Variants in IGDCC4 observed in about 807,000 individuals in gnomAD.
IGDCC4 encodes immunoglobulin superfamily DCC subclass member 4.
A neutral mutation model predicts 116.6 loss-of-function variants in IGDCC4; 72 were observed. That is an observed-to-expected ratio of 0.62 (90% CI 0.51 to 0.75). The LOEUF (loss-of-function observed/expected upper bound fraction) is 0.75. Among genes scored for constraint, IGDCC4 ranks in the 30% least tolerant of loss-of-function variants. The pLI is 0.00. For synonymous variants in IGDCC4, 709 were observed against 719.9 expected (o/e 0.98, Z 0.24); for missense variants, 1,501 against 1,662.4 (o/e 0.90, Z 1.69).
chr15:65,418,261 C>T (rs1426140719), intron 1 of IGDCC4, among the ~76,000 whole-genome samples: 36 of 152,188 alleles, frequency 2.4e-4, no homozygotes. Context: ...GAAAGAAACC[C>T]TGTACTTAAA....
Position 65,384,571 on chromosome 15 carries a change from A to C in IGDCC4, c.3343-152T>G. ...GGATACACAGGAACTGTTCGAACCT[A>C]TACAAAGGCAGGGAATGATGGAATA... On this transcript the variant is annotated intron_variant, in intron 19 of 19. Coordinates refer to ENST00000352385, the MANE Select transcript of IGDCC4 (RefSeq NM_020962.3). The surrounding 1 kb of genome is among the most constrained non-coding windows in gnomAD (Gnocchi z 4.9). 1.3e-6 allele frequency: 1 copy of C among 771,024 alleles called. No individual in the cohort carries two copies. Among genetic ancestry groups the C allele is most frequent in the Non-Finnish European group, 2.0e-6 (1 of 505,354 alleles). 47.8% of individuals were successfully genotyped at this position (771,024 alleles called of 1,614,324 possible).
Position 65,383,662 on chromosome 15 carries a change from C to T in IGDCC4, c.*347G>A. Reference sequence around the variant, plus strand: ...GGGGCCCACAGGGCTGGGGACTGACCACTGTGGGGCACCGTTCTGACCTGG... The same window carrying T: ...GGGGCCCACAGGGCTGGGGACTGACTACTGTGGGGCACCGTTCTGACCTGG... On this transcript the variant is annotated 3_prime_UTR_variant, in exon 20 of 20. Transcript: ENST00000352385. 4.8e-6 allele frequency: 1 copy of T among 208,770 alleles called. No homozygotes were observed. The highest frequency in any genetic ancestry group is 5.8e-5 in the Admixed American group (1 of 17,308). 12.9% of individuals were successfully genotyped at this position (208,770 alleles called of 1,614,324 possible). A position where few individuals can be genotyped will look rare whatever the true frequency, so the allele number is the denominator to read the frequency against.
At position 65,384,138 on chromosome 15, in the gene IGDCC4, G is replaced by A. The variant is rs762034302; in HGVS notation, c.3624C>T (p.Cys1208=). The change falls in exon 20 of 20, where the codon TGC becomes TGT. Residue 1208 remains cysteine, a synonymous_variant. Coordinates refer to ENST00000352385, the MANE Select transcript of IGDCC4 (RefSeq NM_020962.3). This position sits in a 1 kb window ranked among gnomAD's most constrained non-coding sequence, Gnocchi z 4.9. ...CGCCTGGCTGGAGGTCCGGGTAGGAGCAGGAAGCACTGGCTGCCTCTGGCA... is the reference window on the plus strand; with the variant it reads ...CGCCTGGCTGGAGGTCCGGGTAGGAACAGGAAGCACTGGCTGCCTCTGGCA... ...TCLPEAASAS[C]SYPDLQPGEV... The A allele has an allele frequency of 3.1e-6, 5 of 1,613,620 alleles. No homozygotes were observed. Among genetic ancestry groups the A allele is most frequent in the Non-Finnish European group, 4.2e-6 (5 of 1,179,818 alleles).
chr15:65,387,380 G>A (rs907334294), intron 16 of IGDCC4, among the ~76,000 whole-genome samples: 1 of 151,484 alleles, frequency 6.6e-6, no homozygotes, highest in Non-Finnish European at 1.5e-5. Flanking sequence ...ACGGAGTCTC[G>A]CTCTGTTGCC....
At chr15:65,399,447 CAAAAAAAAAAA>C (rs112040935) in intron 5 of IGDCC4, among the ~76,000 whole-genome samples, 30 of 71,180 alleles carry the variant, frequency 4.2e-4, no homozygotes, top group African/African-American at 9.3e-4. Context: ...GGGTGACAGG[CAAAAAAAAAAA>C]AAAAAAAAAA....
intron 4 of IGDCC4, among the ~76,000 whole-genome samples, chr15:65,401,859 C>G (rs2062989763): frequency 6.6e-6 from 1 of 152,192 alleles, no homozygotes; most frequent in Non-Finnish European, 1.5e-5. Flanking sequence ...TAATCCATCA[C>G]ACTGGGGCAA....
rs749551662 is a variant in IGDCC4 at position 65,411,102 on chromosome 15, C to T, written c.339G>A (p.Gly113=). 1.7e-5 allele frequency: 28 copies of T among 1,614,220 alleles called. No homozygotes were observed. The South Asian group carries it at 2.6e-4, about 15-fold the overall frequency. The change falls in exon 2 of 20, where the codon GGG becomes GGA. Residue 113 remains glycine, a synonymous_variant. Coordinates refer to ENST00000352385, the MANE Select transcript of IGDCC4 (RefSeq NM_020962.3). ...GGCACGAATAGTTGCCTTCAATGAC[C>T]CCCACAGCCTCAGGGACTGACTCGT... ...GSDESVPEAV[G]VIEGNYSCLA... is the part of the protein sequence containing the mutation.
rs2091443642 is a variant in IGDCC4, at chr15:65,385,230, C to A, written c.3181-115G>T. ...GGGGGAGCAGGGTCCAGACTGTCAC[C>A]CGCTGCTCTCTCCCTCTCCAAGGCT... On this transcript the variant is annotated intron_variant, in intron 18 of 19. Transcript: ENST00000352385. 5.5e-6 allele frequency: 6 copies of A among 1,081,866 alleles called. No individual in the cohort carries two copies. The Admixed American group carries it at 8.9e-5, about 16-fold the overall frequency. The allele number at this position is 1,081,866 out of a possible 1,614,324, so 67.0% of individuals were successfully genotyped here.
In IGDCC4 at chr15:65,396,088, GC is replaced by G; in HGVS notation, c.1072del (p.Ala358ArgfsTer83). The stretch of plus-strand genomic sequence containing the variant: ...CAGCGCTGGCCGCGGCTCCCCCGAC[GC>G]GCGGCACACGAAGCGCGCTGTGCTC... ...RASTARFVCR[A>X]SGEPRPALRW... is the part of the protein sequence containing the mutation. On this transcript the variant is annotated frameshift_variant, in exon 7 of 20. Coordinates refer to ENST00000352385, the MANE Select transcript of IGDCC4 (RefSeq NM_020962.3). LOFTEE classifies it high-confidence loss of function. 7.2e-7 allele frequency: 1 copy of G among 1,384,824 alleles called. No individual in the cohort carries two copies. Among genetic ancestry groups the G allele is most frequent in the South Asian group, 1.6e-5 (1 of 61,648 alleles). The allele number at this position is 1,384,824 out of a possible 1,614,324, so 85.8% of individuals were successfully genotyped here.
chr15:65,402,375 C>T lies in IGDCC4; in HGVS notation c.676G>A (p.Ala226Thr), dbSNP rs1398634108. ...CCTCTGTGGGCCACACTGAGTAGGGCCTCCTGGCTGAAGTGCTGGCGAGCT... is the reference window on the plus strand; with the variant it reads ...CCTCTGTGGGCCACACTGAGTAGGGTCTCCTGGCTGAAGTGCTGGCGAGCT... Reference protein sequence around the residue: ...NSARQHFSQEALLSVAHRGSL... With the variant: ...NSARQHFSQETLLSVAHRGSL... The change falls in exon 4 of 20, where the codon GCC becomes ACC. Residue 226 changes from alanine to threonine, a missense_variant. Transcript: ENST00000352385. 2 of 1,570,780 alleles carry T rather than the reference C, an allele frequency of 1.3e-6. No individual in the cohort carries two copies. The highest frequency in any genetic ancestry group is 3.7e-5 in the Admixed American group (2 of 53,974).
chr15:65,385,121 C>CG lies in IGDCC4; in HGVS notation c.3181-7dup, dbSNP rs778232694. ...CTTGGTTGAGCCCAGGAGATCTGCACGGGGGAAAGAAGGGGACAGTAAGGG... is the reference window on the plus strand; with the variant it reads ...CTTGGTTGAGCCCAGGAGATCTGCACGGGGGGAAAGAAGGGGACAGTAAGGG... On this transcript the variant is annotated splice_region_variant and splice_polypyrimidine_tract_variant and intron_variant, in intron 18 of 19. Coordinates refer to ENST00000352385, the MANE Select transcript of IGDCC4 (RefSeq NM_020962.3). The CG allele has an allele frequency of 6.3e-7, 1 of 1,580,414 alleles. No homozygotes were observed. Among genetic ancestry groups the CG allele is most frequent in the Non-Finnish European group, 8.5e-7 (1 of 1,171,066 alleles).
chr15:65,394,971 C>G, intron 8 of IGDCC4, 123 bp downstream of exon 8: 1 of 1,085,806 alleles, frequency 9.2e-7, no homozygotes, highest in East Asian at 2.6e-5. Context: ...CACTCTCTTA[C>G]GGGGCACAAA....
At chr15:65,418,061 A>G (rs1298405435) in intron 1 of IGDCC4, among the ~76,000 whole-genome samples, 1 of 152,222 alleles carries the variant, frequency 6.6e-6, no homozygotes, top group Admixed American at 6.5e-5. Flanking sequence ...GACATCCTCA[A>G]AAAGATAAGG....
At chr15:65,405,361 A>T (rs191601794) in intron 3 of IGDCC4, among the ~76,000 whole-genome samples, 40 of 149,068 alleles carry the variant, frequency 2.7e-4, no homozygotes, top group African/African-American at 1.0e-3. Flanking sequence ...AAAAATTTTT[A>T]AATGTAAATT....
At position 65,384,491 on chromosome 15, in the gene IGDCC4, TG is replaced by T; in HGVS notation, c.3343-73del. The T allele has an allele frequency of 1.4e-6, 2 of 1,418,972 alleles. No individual in the cohort carries two copies. Among genetic ancestry groups the T allele is most frequent in the Non-Finnish European group, 1.9e-6 (2 of 1,071,918 alleles). 87.9% of individuals were successfully genotyped at this position (1,418,972 alleles called of 1,614,324 possible). On this transcript the variant is annotated intron_variant, in intron 19 of 19. Transcript: ENST00000352385. This position sits in a 1 kb window ranked among gnomAD's most constrained non-coding sequence, Gnocchi z 4.9. ...TAATCATCAGAATGACCAGCGTACG[TG>T]GGGCAGAAAGTCTGACCCTCCATCA...
chr15:65,387,319 A>G (rs781720830), intron 16 of IGDCC4, among the ~76,000 whole-genome samples: 2 of 151,514 alleles, frequency 1.3e-5, no homozygotes, highest in Non-Finnish European at 1.5e-5. Context: ...TACAAGCACA[A>G]GCCACCATGC....
In IGDCC4 at chr15:65,391,861, C is replaced by G. The variant is rs746796615; in HGVS notation, c.2224+19G>C. 3.7e-6 allele frequency: 6 copies of G among 1,609,600 alleles called. No homozygotes were observed. The South Asian group carries it at 6.6e-5, about 18-fold the overall frequency. ...CCCTCACCTGAGCCCTCCCCGCCTT[C>G]TTCCCCCACCGCCCTCACCTGGTGC... is the stretch of plus-strand genomic sequence containing the variant. On this transcript the variant is annotated intron_variant, in intron 12 of 19. Coordinates refer to ENST00000352385, the MANE Select transcript of IGDCC4 (RefSeq NM_020962.3).
At chr15:65,421,727 T>C (rs1595799187) in intron 1 of IGDCC4, among the ~76,000 whole-genome samples, 4 of 80,026 alleles carry the variant, frequency 5.0e-5, no homozygotes, top group Admixed American at 1.4e-4. Flanking sequence ...CATCCTCAGC[T>C]CCCCCCTCCG....
intron 13 of IGDCC4, 150 bp from the exon 14 acceptor site, chr15:65,389,561 A>C: frequency 1.0e-6 from 1 of 974,860 alleles, no homozygotes; most frequent in South Asian, 1.4e-5. Flanking sequence ...GACTACCACC[A>C]CCCAGGGACC....
Sources: gnomAD v4.1 joint callset for allele counts (sites outside exome capture counted in the v4.1 genomes callset) on GRCh38, gnomAD v4.1.1 for gene constraint, Gnocchi (gnomAD v3.1) non-coding constraint, MANE v1.5 for transcripts, NCBI Gene and HGNC (gene_info 2026-07-23, HGNC 2026-07-21) for gene names.